Variants in FAM227B observed in about 807,000 individuals in gnomAD.
FAM227B encodes the protein protein FAM227B.
FAM227B carries 88 observed loss-of-function variants against 73.8 expected under a neutral mutation model. That is an observed-to-expected ratio of 1.19 (90% CI 1.00 to 1.42). The LOEUF (loss-of-function observed/expected upper bound fraction) is 1.42. Ranked by LOEUF, FAM227B falls within the 40% of genes most tolerant of loss-of-function variation. FAM227B has a pLI of 0.00. For synonymous variants in FAM227B, 210 were observed against 190.5 expected (o/e 1.10, Z -0.84); for missense variants, 632 against 590.9 (o/e 1.07, Z -0.72).
chr15:49,460,417 T>C (rs1429012633), intron 11 of FAM227B, among the ~76,000 whole-genome samples: 1 of 152,222 alleles, frequency 6.6e-6, no homozygotes, highest in Non-Finnish European at 1.5e-5. Flanking sequence ...GGTGTCCATA[T>C]ATGATCTCTG....
chr15:49,337,077 T>G (rs1596271064), intron 13 of FAM227B, among the ~76,000 whole-genome samples: 1 of 152,254 alleles, frequency 6.6e-6, no homozygotes. Context: ...CCACATTTTC[T>G]TTATCCAGTC....
At chr15:49,545,749 C>G (rs1289196793) in intron 9 of FAM227B, among the ~76,000 whole-genome samples, 1 of 152,116 alleles carries the variant, frequency 6.6e-6, no homozygotes, top group African/African-American at 2.4e-5. Flanking sequence ...CATTGTTCAC[C>G]CAAAGATCAT....
chr15:49,429,407 T>G (rs957185078), intron 11 of FAM227B, among the ~76,000 whole-genome samples: 1 of 152,014 alleles, frequency 6.6e-6, no homozygotes, highest in African/African-American at 2.4e-5. Flanking sequence ...CTGGCACTTA[T>G]GAAGTGCTAA....
chr15:49,576,926 A>T (rs1056516723), intron 6 of FAM227B, 81 bp from the exon 7 acceptor site: 1 of 707,406 alleles, frequency 1.4e-6, no homozygotes, highest in Non-Finnish European at 2.4e-6. Context: ...CAGAAGACCA[A>T]CATTTAACTA....
At chr15:49,410,654 C>T (rs2048811141) in intron 11 of FAM227B, among the ~76,000 whole-genome samples, 1 of 151,940 alleles carries the variant, frequency 6.6e-6, no homozygotes, top group African/African-American at 2.4e-5. Context: ...CCACACAAAC[C>T]CCACCTCCAT....
intron 11 of FAM227B, among the ~76,000 whole-genome samples, chr15:49,429,106 A>G (rs2050371517): frequency 6.6e-6 from 1 of 152,026 alleles, no homozygotes; most frequent in Non-Finnish European, 1.5e-5. Flanking sequence ...CAAGTTATCT[A>G]AAAGAACAAT....
intron 11 of FAM227B, among the ~76,000 whole-genome samples, chr15:49,474,690 C>G (rs571332684): frequency 6.6e-6 from 1 of 152,158 alleles, no homozygotes; most frequent in Non-Finnish European, 1.5e-5. Context: ...AGGAACTAGG[C>G]GGCAGAGCAG....
In FAM227B at chr15:49,581,570, G is replaced by A. The variant is rs140770868; in HGVS notation, c.406-3906C>T. 8.5e-3 allele frequency among the ~76,000 whole-genome samples: 1,295 copies of A among 152,042 alleles called. 32 individuals carry two copies. Among genetic ancestry groups the A allele is most frequent in the South Asian group, 0.069 (330 of 4,812 alleles). ...TGAACTCATGTGATCTACCTGCCTC[G>A]GCCTCCCAAAGTGCTGGATTACAGG... On this transcript the variant is annotated intron_variant, in intron 5 of 15. Transcript: ENST00000299338.
intron 13 of FAM227B, among the ~76,000 whole-genome samples, chr15:49,347,051 C>A (rs2041610084): frequency 1.3e-5 from 2 of 152,198 alleles, no homozygotes; most frequent in African/African-American, 2.4e-5. Flanking sequence ...TACCCAGATT[C>A]TAAATGGCCT....
At chr15:49,479,330 T>G (rs976173134) in intron 11 of FAM227B, among the ~76,000 whole-genome samples, 30 of 152,254 alleles carry the variant, frequency 2.0e-4, no homozygotes, top group South Asian at 4.1e-4. Context: ...CTATGTAATA[T>G]GCTTTAAATC....
At chr15:49,521,765 A>G (rs1394710863) in intron 10 of FAM227B, among the ~76,000 whole-genome samples, 3 of 152,114 alleles carry the variant, frequency 2.0e-5, no homozygotes, top group Non-Finnish European at 4.4e-5. Flanking sequence ...AACAGAATCT[A>G]TTTTAACTGA....
At chr15:49,587,080 T>G (rs2076210564) in intron 5 of FAM227B, among the ~76,000 whole-genome samples, 1 of 152,132 alleles carries the variant, frequency 6.6e-6, no homozygotes, top group Non-Finnish European at 1.5e-5. Context: ...GGAATCAACC[T>G]AAATGCCCAT....
chr15:49,395,789 T>C (rs955107846), intron 11 of FAM227B, among the ~76,000 whole-genome samples: 3 of 152,170 alleles, frequency 2.0e-5, no homozygotes, highest in Non-Finnish European at 4.4e-5. Flanking sequence ...CATCAAGACA[T>C]ATATTAAATT....
intron 11 of FAM227B, among the ~76,000 whole-genome samples, chr15:49,466,931 A>G (rs75875790): frequency 0.017 from 2,540 of 152,310 alleles, 22 homozygotes; most frequent in Middle Eastern, 0.044. Flanking sequence ...CAAAGAGCAT[A>G]TGCTTTAAAA....
At chr15:49,496,570 C>G (rs1281125725) in intron 11 of FAM227B, among the ~76,000 whole-genome samples, 1 of 152,022 alleles carries the variant, frequency 6.6e-6, no homozygotes, top group African/African-American at 2.4e-5. Flanking sequence ...TGCTTACATT[C>G]CAGTCCTAAA....
At chr15:49,590,254 A>G (rs1383677227) in intron 3 of FAM227B, among the ~76,000 whole-genome samples, 2 of 152,226 alleles carry the variant, frequency 1.3e-5, no homozygotes, top group Non-Finnish European at 2.9e-5. Context: ...ACGTCAATGT[A>G]TATTTCCAAA....
At position 49,367,550 on chromosome 15, in the gene FAM227B, T is replaced by C. The variant is rs745451388; in HGVS notation, c.1169A>G (p.Gln390Arg). The C allele has an allele frequency of 1.9e-6, 3 of 1,606,282 alleles. No homozygotes were observed. The highest frequency in any genetic ancestry group is 1.7e-6 in the Non-Finnish European group (2 of 1,178,262). Residue 390 changes from glutamine to arginine, a missense_variant, in exon 13 of 16, where the codon CAG (glutamine) becomes CGG (arginine). Physicochemically the swap from Gln to Arg is conservative, Grantham distance 43. Coordinates refer to ENST00000299338, the MANE Select transcript of FAM227B (RefSeq NM_152647.3). ...AAGATAATATAAAATCAATGGACTCTGACCTCCAAAATTGAAGAGAACACG... is the reference window on the plus strand; with the variant it reads ...AAGATAATATAAAATCAATGGACTCCGACCTCCAAAATTGAAGAGAACACG... ...FNRVLFNFGGQSPLILYYLKM... is the reference protein window; with the variant it reads ...FNRVLFNFGGRSPLILYYLKM...
At chr15:49,393,523 T>G (rs1015889174) in intron 11 of FAM227B, among the ~76,000 whole-genome samples, 2 of 152,186 alleles carry the variant, frequency 1.3e-5, no homozygotes, top group Non-Finnish European at 2.9e-5. Context: ...GTTCCCAATC[T>G]TCACCACTAA....
At chr15:49,604,517 T>G (rs1055842114) in intron 3 of FAM227B, among the ~76,000 whole-genome samples, 22 of 152,200 alleles carry the variant, frequency 1.4e-4, no homozygotes, top group African/African-American at 4.8e-4. Context: ...TAATGTATCT[T>G]GGGGAAGATT....
Sources: allele counts gnomAD v4.1 joint callset (sites outside exome capture counted in the v4.1 genomes callset), GRCh38; gene constraint gnomAD v4.1.1; transcripts MANE v1.5; gene names NCBI Gene and HGNC (gene_info 2026-07-23, HGNC 2026-07-21).